The following MLLT6 variants were observed in gnomAD, a reference collection of about 807,000 sequenced individuals.
The protein encoded by MLLT6 is protein AF-17.
Under a neutral mutation model 103.0 loss-of-function variants are expected in MLLT6, and 22 were observed. That is an observed-to-expected ratio of 0.21 (90% confidence interval 0.15 to 0.31). The LOEUF (loss-of-function observed/expected upper bound fraction) is 0.31, where lower values mean the gene tolerates loss of function less well. MLLT6 is among the 10% of genes least tolerant of loss of function. The pLI is 1.00. For synonymous variants in MLLT6, 606 were observed against 623.5 expected (o/e 0.97, Z 0.42); for missense variants, 1,199 against 1,441.7 (o/e 0.83, Z 2.73).
rs62638661 is a variant in MLLT6, at chr17:38,706,996, G to A, written c.156G>A (p.Arg52=). 3,420 of 1,612,594 alleles carry A rather than the reference G, an allele frequency of 2.1e-3. 61 individuals carry two copies. The African/African-American group carries it at 0.038, about 18-fold the overall frequency. ...VQVPTGPWFC[R]KCESQERAAR... ...TGCCAACGGGACCCTGGTTCTGCCG[G>A]AAATGTGAATCTCAGGAGCGAGCAG... Residue 52 remains arginine, a synonymous_variant, in exon 2 of 20, where the codon CGG becomes CGA. Coordinates refer to ENST00000621332, the MANE Select transcript of MLLT6 (RefSeq NM_005937.4).
chr17:38,724,877 A>T lies in MLLT6; in HGVS notation c.3141A>T (p.Ala1047=), dbSNP rs758909535. The T allele has an allele frequency of 1.3e-5, 20 of 1,561,652 alleles. No homozygotes were observed. Among genetic ancestry groups the T allele is most frequent in the Non-Finnish European group, 1.6e-5 (18 of 1,153,092 alleles). ...TGGCCGCAGCAGCTGCAGCTGCAGC[A>T]GTAGCAGCAGCAGGCGGACCTCCAG... ...SLMAAAAAAA[A]VAAAGGPPVL... The change falls in exon 19 of 20, where the codon GCA becomes GCT. Residue 1047 remains alanine, a synonymous_variant. Coordinates refer to ENST00000621332, the MANE Select transcript of MLLT6 (RefSeq NM_005937.4). The surrounding 1 kb of genome is among the most constrained non-coding windows in gnomAD (Gnocchi z 5.4).
chr17:38,721,088 A>C (rs1905707390), intron 16 of MLLT6: 3 of 406,586 alleles, frequency 7.4e-6, no homozygotes, highest in Non-Finnish European at 1.3e-5. Context: ...TGTGGATAGA[A>C]AGTGGTTAGG....
chr17:38,718,776 C>G (rs1905501247), intron 12 of MLLT6: 1 of 152,206 alleles, frequency 6.6e-6, no homozygotes, highest in South Asian at 2.1e-4. Context: ...GCGCCCCGCC[C>G]TCTCCCTGGA....
At position 38,707,881 on chromosome 17, in the gene MLLT6, C is replaced by A; in HGVS notation, c.354+9C>A. 1 of 1,564,192 alleles carries A rather than the reference C, an allele frequency of 6.4e-7. No homozygotes were observed. ...ATGATCGCTTCAACAAGGTCAGCGG[C>A]CCCCCGCCGTGTCCCCTACCAGTTC... is the stretch of plus-strand genomic sequence containing the variant. On this transcript the variant is annotated intron_variant, in intron 4 of 19. Transcript: ENST00000621332.
At position 38,726,048 on chromosome 17, in the gene MLLT6, C is replaced by T. The variant is rs904151494; in HGVS notation, c.*450C>T. On this transcript the variant is annotated 3_prime_UTR_variant, in exon 20 of 20. Transcript: ENST00000621332. ...GGAAGAAGGGCTGGACCCACTTTAC[C>T]TGCAGTTTCTTCCCAGCTCGGGCAG... The T allele has an allele frequency of 1.2e-5, 3 of 242,258 alleles. No individual in the cohort carries two copies. Among genetic ancestry groups the T allele is most frequent in the African/African-American group, 6.6e-5 (3 of 45,610 alleles). 15.0% of individuals were successfully genotyped at this position (242,258 alleles called of 1,614,324 possible).
chr17:38,715,948 T>A, intron 9 of MLLT6, 120 bp downstream of exon 9: 1 of 907,038 alleles, frequency 1.1e-6, no homozygotes, highest in Non-Finnish European at 1.7e-6. Flanking sequence ...TGGTTCAGGA[T>A]AAAGATGGGG....
Position 38,705,765 on chromosome 17 carries a change from C to T in MLLT6, c.109+24C>T, listed in dbSNP as rs750426858. On this transcript the variant is annotated intron_variant, in intron 1 of 19. Coordinates refer to ENST00000621332, the MANE Select transcript of MLLT6 (RefSeq NM_005937.4). ...AGGTACGGGGGTGGCCCGCGGGGGG[C>T]GGCGGGACCCCGGGGGCGGCGTGCG... 5 of 1,254,264 alleles carry T rather than the reference C, an allele frequency of 4.0e-6. No homozygotes were observed. In the South Asian group the frequency reaches 7.3e-5, roughly 18 times the overall value. 77.7% of individuals were successfully genotyped at this position (1,254,264 alleles called of 1,614,324 possible).
chr17:38,722,053 C>G lies in MLLT6; in HGVS notation c.2618C>G (p.Ala873Gly). The G allele has an allele frequency of 6.4e-6, 9 of 1,405,250 alleles. No individual in the cohort carries two copies. The highest frequency in any genetic ancestry group is 8.3e-6 in the Non-Finnish European group (9 of 1,083,550). The allele number at this position is 1,405,250 out of a possible 1,614,324, so 87.0% of individuals were successfully genotyped here. The change falls in exon 17 of 20, where the codon GCG becomes GGG. Residue 873 changes from alanine to glycine, a missense_variant. This residue lies in a region of MLLT6 where 1,034 missense variants were observed against 1,091.5 expected (regional missense o/e 0.95). Coordinates refer to ENST00000621332, the MANE Select transcript of MLLT6 (RefSeq NM_005937.4). ...GGGTTGGGCCGGGCACCCGGGGCAG[C>G]GGGGCTGGGGGCCATGCCCATGGCT... Reference protein sequence around the residue: ...QNGLGRAPGAAGLGAMPMAEG... With the variant: ...QNGLGRAPGAGGLGAMPMAEG...
Position 38,721,979 on chromosome 17 carries a change from C to A in MLLT6, c.2544C>A (p.Pro848=), listed in dbSNP as rs546925528. ...TCCAGCAGAGCCCTGCCACTCTGCC[C>A]CTGGCCCTGCCTGGGGCCCCTGCCC... ...PLLQQSPATL[P]LALPGAPAPL... The change falls in exon 17 of 20, where the codon CCC becomes CCA. Residue 848 remains proline, a synonymous_variant. Coordinates refer to ENST00000621332, the MANE Select transcript of MLLT6 (RefSeq NM_005937.4). 1 of 1,495,614 alleles carries A rather than the reference C, an allele frequency of 6.7e-7. No homozygotes were observed. Among genetic ancestry groups the A allele is most frequent in the South Asian group, 1.2e-5 (1 of 81,726 alleles). 92.6% of individuals were successfully genotyped at this position (1,495,614 alleles called of 1,614,324 possible).
In MLLT6 at chr17:38,716,253, GAA is replaced by G; in HGVS notation, c.1037-112_1037-111del. Reference sequence around the variant, plus strand: ...ACAGACAGTGGCAGAGCTGAGACAGGAAACCAGGCATCCCCATTCGTGGACCA... The same window carrying G: ...ACAGACAGTGGCAGAGCTGAGACAGGACCAGGCATCCCCATTCGTGGACCA... On this transcript the variant is annotated intron_variant, in intron 9 of 19. Transcript: ENST00000621332. This position sits in a 1 kb window ranked among gnomAD's most constrained non-coding sequence, Gnocchi z 5.6. The G allele has an allele frequency of 8.8e-7, 1 of 1,139,718 alleles. No individual in the cohort carries two copies. Among genetic ancestry groups the G allele is most frequent in the Non-Finnish European group, 1.2e-6 (1 of 801,530 alleles). The allele number at this position is 1,139,718 out of a possible 1,614,324, so 70.6% of individuals were successfully genotyped here. A position where few individuals can be genotyped will look rare whatever the true frequency, so the allele number is the denominator to read the frequency against.
In MLLT6 at chr17:38,724,483, G is replaced by A; in HGVS notation, c.2884-137G>A. ...CAGGCTAAGTGGGAAATGCGAGACA[G>A]TACCTTGACTGTCTCACAGGCCTCT... is the stretch of plus-strand genomic sequence containing the variant. On this transcript the variant is annotated intron_variant, in intron 18 of 19. Transcript: ENST00000621332. This position sits in a 1 kb window ranked among gnomAD's most constrained non-coding sequence, Gnocchi z 5.4. The A allele has an allele frequency of 3.1e-6, 2 of 642,824 alleles. No homozygotes were observed. The highest frequency in any genetic ancestry group is 3.1e-5 in the Admixed American group (1 of 32,504). 39.8% of individuals were successfully genotyped at this position (642,824 alleles called of 1,614,324 possible).
Position 38,724,476 on chromosome 17 carries a change from C to T in MLLT6, c.2884-144C>T, listed in dbSNP as rs958121516. 2.1e-5 allele frequency: 13 copies of T among 606,346 alleles called. No individual in the cohort carries two copies. The highest frequency in any genetic ancestry group is 3.0e-5 in the East Asian group (1 of 33,632). The allele number at this position is 606,346 out of a possible 1,614,324, so 37.6% of individuals were successfully genotyped here. On this transcript the variant is annotated intron_variant, in intron 18 of 19. Transcript: ENST00000621332. This position sits in a 1 kb window ranked among gnomAD's most constrained non-coding sequence, Gnocchi z 5.4. Reference sequence around the variant, plus strand: ...GGAGACCCAGGCTAAGTGGGAAATGCGAGACAGTACCTTGACTGTCTCACA... The same window carrying T: ...GGAGACCCAGGCTAAGTGGGAAATGTGAGACAGTACCTTGACTGTCTCACA...
intron 14 of MLLT6, 39 bp from the exon 15 acceptor site, chr17:38,720,331 GCC>G: frequency 1.8e-5 from 2 of 108,294 alleles, no homozygotes; most frequent in African/African-American, 1.6e-4. Context: ...CCCCGCCTCC[GCC>G]CCCTCGCCCC....
chr17:38,712,744 G>A lies in MLLT6; in HGVS notation c.774G>A (p.Ser258=), dbSNP rs760350371. ...LKQKHKKRPE[S]PPSILTPPVV... ...AGAAGCACAAGAAGCGGCCTGAGTC[G>A]CCCCCCAGCATCCTCACCCCGCCCG... The change falls in exon 8 of 20, where the codon TCG becomes TCA. Residue 258 remains serine (S), a synonymous_variant. Transcript: ENST00000621332. 1.9e-5 allele frequency: 31 copies of A among 1,613,648 alleles called. No homozygotes were observed. Among genetic ancestry groups the A allele is most frequent in the Middle Eastern group, 1.6e-4 (1 of 6,080 alleles).
chr17:38,707,562 A>C (rs533728074), intron 3 of MLLT6, 22 bp downstream of exon 3: 48 of 1,612,616 alleles, frequency 3.0e-5, no homozygotes, highest in Non-Finnish European at 4.0e-5. Context: ...TCATCTGCTG[A>C]GGTCAGCAGG....
chr17:38,720,699 G>C lies in MLLT6; in HGVS notation c.2394G>C (p.Pro798=). ...CCTTGAGCACCAGCAAGAGCCCTCC[G>C]GGAAAGAGCAGCCTCGGCCTGGACA... is the stretch of plus-strand genomic sequence containing the variant. ...SDSLSTSKSP[P]GKSSLGLDNS... is the part of the protein sequence containing the mutation. Residue 798 remains proline (P), a synonymous_variant, in exon 16 of 20, where the codon CCG becomes CCC. Coordinates refer to ENST00000621332, the MANE Select transcript of MLLT6 (RefSeq NM_005937.4). The C allele has an allele frequency of 6.2e-7, 1 of 1,613,900 alleles. No individual in the cohort carries two copies. The highest frequency in any genetic ancestry group is 8.5e-7 in the Non-Finnish European group (1 of 1,180,050).
Position 38,717,579 on chromosome 17 carries a change from T to C in MLLT6, c.1799T>C (p.Leu600Pro). 6.2e-7 allele frequency: 1 copy of C among 1,613,130 alleles called. No homozygotes were observed. The change falls in exon 11 of 20, where the codon CTC becomes CCC. Residue 600 changes from leucine (L) to proline (P), a missense_variant. Leu to Pro is a moderately conservative substitution (Grantham distance 98, BLOSUM62 -3). Transcript: ENST00000621332. ...AGCCGCTCCCCGTTCACCAGCACCC[T>C]CCCCTCCTCTTCTGCTTCTATCTCC... ...RLSRSPFTST[L>P]PSSSASISTT...
In MLLT6 at chr17:38,722,135, TGGG is replaced by T. The variant is rs773719580; in HGVS notation, c.2704_2706del (p.Gly902del). The T allele has an allele frequency of 5.3e-5, 73 of 1,376,678 alleles. No homozygotes were observed. The highest frequency in any genetic ancestry group is 6.6e-5 in the Non-Finnish European group (71 of 1,070,894). The allele number at this position is 1,376,678 out of a possible 1,614,324, so 85.3% of individuals were successfully genotyped here. A position where few individuals can be genotyped will look rare whatever the true frequency, so the allele number is the denominator to read the frequency against. ...GGGGCCTGCCCCTCAATGGGCTCCT[TGGG>T]GGGTTGAATGGGGCCGCTGCCCCCA... On this transcript the variant is annotated inframe_deletion, in exon 17 of 20. Transcript: ENST00000621332.
intron 8 of MLLT6, 196 bp from the exon 9 acceptor site, chr17:38,715,416 C>T (rs111527064): frequency 1.7e-5 from 14 of 834,440 alleles, no homozygotes; most frequent in Middle Eastern, 7.5e-4. Context: ...GCCTTACACC[C>T]AGGAGTGCCA....
Sources: allele counts gnomAD v4.1 joint callset, GRCh38; gene constraint gnomAD v4.1.1; regional missense constraint gnomAD v4.1.1; non-coding constraint Gnocchi (gnomAD v3.1); transcripts MANE v1.5; gene names NCBI Gene and HGNC (gene_info 2026-07-23, HGNC 2026-07-21).